NTM: variants seen among roughly 807,000 people sequenced by gnomAD.
NTM encodes IgLON family member 2.
NTM carries 13 observed loss-of-function variants against 42.1 expected under a neutral mutation model. That is an observed-to-expected ratio of 0.31 (90% CI 0.20 to 0.49). The LOEUF is 0.49. Among genes scored for constraint, NTM ranks in the 20% least tolerant of loss-of-function variants. NTM has a pLI of 0.99. For missense variants in NTM, 373 were observed against 452.8 expected, an observed-to-expected ratio of 0.82 and a Z score of 1.60; for synonymous variants, 187 against 179.2, an observed-to-expected ratio of 1.04 and a Z score of -0.35.
In NTM at chr11:131,438,554, T is replaced by C. The variant is rs1167506702; in HGVS notation, c.82+67666T>C. ...TTTGACCTTCAATCACCGATACCCT[T>C]TCTTCCACTTGATCGAATCGGCTGT... On this transcript the variant is annotated intron_variant, in intron 1 of 8. Transcript: ENST00000683400. Among the ~76,000 whole-genome samples the C allele has an allele frequency of 4.6e-5, 7 of 152,342 alleles. No homozygotes were observed. The South Asian group carries it at 1.5e-3, about 32-fold the overall frequency.
chr11:131,697,314 G>A (rs1005310565), intron 1 of NTM, among the ~76,000 whole-genome samples: 2 of 152,232 alleles, frequency 1.3e-5, no homozygotes, highest in African/African-American at 4.8e-5. Context: ...TGCCATAAGT[G>A]TGGGGCAATT....
intron 2 of NTM, among the ~76,000 whole-genome samples, chr11:132,098,953 T>C (rs1443438916): frequency 6.6e-6 from 1 of 152,228 alleles, no homozygotes; most frequent in African/African-American, 2.4e-5. Context: ...AAACATTATG[T>C]TCATGTTTAA....
chr11:131,593,281 C>T (rs1244007899), intron 1 of NTM, among the ~76,000 whole-genome samples: 1 of 152,146 alleles, frequency 6.6e-6, no homozygotes, highest in Non-Finnish European at 1.5e-5. Flanking sequence ...TTCAGGATGT[C>T]TGGAGATTAC....
intron 3 of NTM, among the ~76,000 whole-genome samples, chr11:132,205,188 C>G (rs539709007): frequency 4.5e-4 from 68 of 152,292 alleles, no homozygotes; most frequent in Middle Eastern, 3.4e-3. Flanking sequence ...CACTGCCAGC[C>G]AAGGAAGCCA....
At chr11:131,915,868 T>C (rs932264282) in intron 2 of NTM, among the ~76,000 whole-genome samples, 2 of 152,128 alleles carry the variant, frequency 1.3e-5, no homozygotes, top group Non-Finnish European at 2.9e-5. Flanking sequence ...GATTCAATTA[T>C]CTCCCACTGG....
intron 2 of NTM, among the ~76,000 whole-genome samples, chr11:132,094,245 A>G (rs1312581108): frequency 2.6e-5 from 4 of 152,214 alleles, no homozygotes; most frequent in African/African-American, 9.6e-5. Flanking sequence ...AAACTTGATT[A>G]TTTAACAATG....
At chr11:132,113,129 C>A (rs533265133) in intron 2 of NTM, among the ~76,000 whole-genome samples, 1 of 152,318 alleles carries the variant, frequency 6.6e-6, no homozygotes, top group East Asian at 1.9e-4. Context: ...ATACATCATG[C>A]ACACTACCTG....
rs371381000 is a variant in NTM, at chr11:131,543,360, G to A, written c.82+172472G>A. 7.9e-5 allele frequency among the ~76,000 whole-genome samples: 12 copies of A among 152,290 alleles called. No individual in the cohort carries two copies. In the East Asian group the frequency reaches 2.3e-3, roughly 30 times the overall value. On this transcript the variant is annotated intron_variant, in intron 1 of 8. Coordinates refer to ENST00000683400, the MANE Select transcript of NTM (RefSeq NM_001352005.2). ...AGAGAAACAAGAGAACAGACTGATA[G>A]ATCAGAACACCAGATAATGTCTTCC...
intron 1 of NTM, among the ~76,000 whole-genome samples, chr11:131,848,265 A>G (rs1467053633): frequency 1.3e-5 from 2 of 152,224 alleles, no homozygotes; most frequent in Admixed American, 6.5e-5. Flanking sequence ...CAGCTAAACA[A>G]TCTAACAGCT....
chr11:131,618,416 T>G (rs542461439), intron 1 of NTM, among the ~76,000 whole-genome samples: 2 of 152,248 alleles, frequency 1.3e-5, no homozygotes, highest in Non-Finnish European at 2.9e-5. Context: ...TGGATACAGA[T>G]GTTGCAAAAG....
Position 132,285,790 on chromosome 11 carries a change from G to A in NTM, c.527-21899G>A, listed in dbSNP as rs150317158. Among the ~76,000 whole-genome samples the A allele has an allele frequency of 1.1e-4, 17 of 152,282 alleles. No homozygotes were observed. The East Asian group carries it at 3.3e-3, about 29-fold the overall frequency. On this transcript the variant is annotated intron_variant, in intron 4 of 8. Coordinates refer to ENST00000683400, the MANE Select transcript of NTM (RefSeq NM_001352005.2). Reference sequence around the variant, plus strand: ...CTGGCCATATTTACTGCCAGTCGCTGTCCCTTAGACTGTCTGCCTCTCCTA... The same window carrying A: ...CTGGCCATATTTACTGCCAGTCGCTATCCCTTAGACTGTCTGCCTCTCCTA...
chr11:131,637,280 C>T (rs192516762), intron 1 of NTM, among the ~76,000 whole-genome samples: 35 of 152,042 alleles, frequency 2.3e-4, no homozygotes, highest in African/African-American at 8.0e-4. Context: ...GAGTCACCCT[C>T]TGTAGAGAAA....
intron 1 of NTM, among the ~76,000 whole-genome samples, chr11:131,820,062 T>G (rs2093119971): frequency 6.6e-6 from 1 of 152,224 alleles, no homozygotes; most frequent in Non-Finnish European, 1.5e-5. Flanking sequence ...CTCACTTTTC[T>G]TATTAACTAA....
chr11:131,613,336 C>T (rs1262663906), intron 1 of NTM, among the ~76,000 whole-genome samples: 1 of 152,136 alleles, frequency 6.6e-6, no homozygotes, highest in East Asian at 1.9e-4. Flanking sequence ...GGGCCCCCGC[C>T]CAAGTTCTCT....
intron 2 of NTM, among the ~76,000 whole-genome samples, chr11:132,019,791 CT>C (rs916923609): frequency 7.2e-5 from 11 of 151,734 alleles, no homozygotes; most frequent in African/African-American, 2.2e-4. Context: ...TTGGATCTTA[CT>C]TTTTTTATCC....
At chr11:132,167,212 C>A (rs1215618773) in intron 3 of NTM, among the ~76,000 whole-genome samples, 1 of 151,766 alleles carries the variant, frequency 6.6e-6, no homozygotes, top group East Asian at 1.9e-4. Flanking sequence ...AGTTTGAGTT[C>A]TTCTCTTCCT....
At chr11:131,457,458 A>G (rs1023899255) in intron 1 of NTM, among the ~76,000 whole-genome samples, 18 of 152,184 alleles carry the variant, frequency 1.2e-4, no homozygotes, top group South Asian at 2.1e-4. Flanking sequence ...GACTTTGGCC[A>G]GCCACGAAGA....
intron 1 of NTM, among the ~76,000 whole-genome samples, chr11:131,429,542 A>G (rs1948480880): frequency 6.6e-6 from 1 of 152,196 alleles, no homozygotes; most frequent in Non-Finnish European, 1.5e-5. Flanking sequence ...AATAATAAGG[A>G]CAAAAAGTGA....
chr11:131,372,218 A>T (rs1003071284), intron 1 of NTM, among the ~76,000 whole-genome samples: 2 of 152,172 alleles, frequency 1.3e-5, no homozygotes, highest in African/African-American at 4.8e-5. Context: ...TCGATGAAGA[A>T]GGCAAGGGGT....
Sources: allele counts gnomAD v4.1 joint callset (sites outside exome capture counted in the v4.1 genomes callset), GRCh38; gene constraint gnomAD v4.1.1; transcripts MANE v1.5; gene names NCBI Gene and HGNC (gene_info 2026-07-23, HGNC 2026-07-21).